GALNT11: variants seen among roughly 807,000 people sequenced by gnomAD.
GALNT11 encodes the protein UDP-GalNAc:polypeptide N-acetylgalactosaminyltransferase 11.
A neutral mutation model predicts 72.7 loss-of-function variants in GALNT11; 47 were observed. The ratio of observed to expected loss-of-function variants is 0.65; its 90% confidence interval spans 0.51 to 0.82. The LOEUF is 0.82. Among genes scored for constraint, GALNT11 ranks in the 40% least tolerant of loss-of-function variants. GALNT11 has a pLI of 0.00. For synonymous variants in GALNT11, 270 were observed against 286.6 expected (o/e 0.94, Z 0.58); for missense variants, 677 against 778.4 (o/e 0.87, Z 1.55).
At chr7:152,033,919 G>A (rs764684723) in intron 1 of GALNT11, among the ~76,000 whole-genome samples, 5 of 152,188 alleles carry the variant, frequency 3.3e-5, no homozygotes, top group Non-Finnish European at 7.3e-5. Flanking sequence ...AAAGGCCTGG[G>A]TTTGATCTAA....
At chr7:152,097,934 G>A (rs574851687) in intron 2 of GALNT11, among the ~76,000 whole-genome samples, 4 of 152,234 alleles carry the variant, frequency 2.6e-5, no homozygotes, top group Middle Eastern at 3.4e-3. Flanking sequence ...AATCATGCTG[G>A]TCATACAACA....
At chr7:152,098,668 G>C (rs1304328888) in intron 2 of GALNT11, among the ~76,000 whole-genome samples, 2 of 152,108 alleles carry the variant, frequency 1.3e-5, no homozygotes, top group Non-Finnish European at 2.9e-5. Context: ...GAATTAAGGA[G>C]TATTTATTGA....
At chr7:152,069,937 C>G (rs1257479671) in intron 1 of GALNT11, among the ~76,000 whole-genome samples, 1 of 151,914 alleles carries the variant, frequency 6.6e-6, no homozygotes, top group Non-Finnish European at 1.5e-5. Context: ...TTAGCATCTT[C>G]CATCTTTGTA....
chr7:152,077,351 G>C (rs928158712), intron 1 of GALNT11, among the ~76,000 whole-genome samples: 1 of 152,198 alleles, frequency 6.6e-6, no homozygotes, highest in African/African-American at 2.4e-5. Context: ...CTGACCCAGG[G>C]CCGCTTTTGC....
chr7:152,071,663 T>C (rs914230573), intron 1 of GALNT11, among the ~76,000 whole-genome samples: 1 of 152,142 alleles, frequency 6.6e-6, no homozygotes, highest in Non-Finnish European at 1.5e-5. Context: ...GGGGAAGTGA[T>C]AAGTGTCCAC....
At chr7:152,035,938 G>C (rs977779721) in intron 1 of GALNT11, among the ~76,000 whole-genome samples, 1 of 152,132 alleles carries the variant, frequency 6.6e-6, no homozygotes. Context: ...CCTCCCTCTT[G>C]ATCTTCAGGG....
intron 11 of GALNT11, 53 bp downstream of exon 11, chr7:152,121,021 G>A: frequency 1.9e-6 from 3 of 1,579,220 alleles, no homozygotes; most frequent in Non-Finnish European, 2.6e-6. Context: ...ACAAGGTTGA[G>A]TGAGGGAGTG....
At chr7:152,108,524 A>G (rs1257483112) in intron 6 of GALNT11, among the ~76,000 whole-genome samples, 1 of 152,206 alleles carries the variant, frequency 6.6e-6, no homozygotes, top group East Asian at 1.9e-4. Context: ...AGAAGAGCAG[A>G]CAGACCAGGC....
At position 152,113,228 on chromosome 7, in the gene GALNT11, G is replaced by T. The variant is rs757319579; in HGVS notation, c.1081-18G>T. 1 of 1,597,930 alleles carries T rather than the reference G, an allele frequency of 6.3e-7. No homozygotes were observed. The highest frequency in any genetic ancestry group is 1.8e-5 in the Admixed American group (1 of 57,072). On this transcript the variant is annotated intron_variant, in intron 7 of 11. Transcript: ENST00000430044. The stretch of plus-strand genomic sequence containing the variant: ...CAACATGAGGCAACTGTTAACACCT[G>T]TTTTTGCTTCTGGCCAGATCTGGAT...
intron 2 of GALNT11, 74 bp from the exon 3 acceptor site, chr7:152,100,724 A>G: frequency 1.3e-6 from 2 of 1,547,016 alleles, no homozygotes; most frequent in Non-Finnish European, 1.8e-6. Flanking sequence ...GCATTTTCTT[A>G]AGATCATAAT....
Position 152,051,389 on chromosome 7 carries a change from T to C in GALNT11, c.-39+25505T>C, listed in dbSNP as rs139557951. On this transcript the variant is annotated intron_variant, in intron 1 of 11. Coordinates refer to ENST00000430044, the MANE Select transcript of GALNT11 (RefSeq NM_022087.4). ...TTAAAATGAATGCTGTTGGGATAAA[T>C]AGAAAAATATCAAGGCCCCCACCCT... Among the ~76,000 whole-genome samples, 171 of 152,076 alleles carry C rather than the reference T, an allele frequency of 1.1e-3. 2 individuals are homozygous for C. The highest frequency in any genetic ancestry group is 4.0e-3 in the African/African-American group (165 of 41,486).
Position 152,108,089 on chromosome 7 carries a change from T to C in GALNT11, c.764T>C (p.Leu255Pro). 1 of 1,614,052 alleles carries C rather than the reference T, an allele frequency of 6.2e-7. No individual in the cohort carries two copies. The highest frequency in any genetic ancestry group is 1.7e-5 in the Admixed American group (1 of 60,034). ...DSHCEVNVMWLQPLLAAIRED... is the reference protein window; with the variant it reads ...DSHCEVNVMWPQPLLAAIRED... Reference sequence around the variant, plus strand: ...CACTGTGAAGTGAATGTGATGTGGCTGCAGCCCTTGCTGGCCGCCATCCGT... The same window carrying C: ...CACTGTGAAGTGAATGTGATGTGGCCGCAGCCCTTGCTGGCCGCCATCCGT... The change falls in exon 6 of 12, where the codon CTG (leucine) becomes CCG (proline). Residue 255 changes from leucine to proline, a missense_variant. Leu to Pro is a moderately conservative substitution (Grantham distance 98). Transcript: ENST00000430044.
chr7:152,051,199 GTTTTTTT>G (rs35668155), intron 1 of GALNT11, among the ~76,000 whole-genome samples: 2 of 46,826 alleles, frequency 4.3e-5, no homozygotes, highest in Admixed American at 2.2e-4. Flanking sequence ...ATATCTGGTT[GTTTTTTT>G]TTTTTTTTTT....
At chr7:152,044,867 C>G (rs2083041288) in intron 1 of GALNT11, among the ~76,000 whole-genome samples, 1 of 151,622 alleles carries the variant, frequency 6.6e-6, no homozygotes, top group Non-Finnish European at 1.5e-5. Context: ...CATTCTAGAT[C>G]TTAGAAGAAA....
chr7:152,029,252 T>G (rs2082191777), intron 1 of GALNT11, among the ~76,000 whole-genome samples: 1 of 152,224 alleles, frequency 6.6e-6, no homozygotes. Context: ...GTTACTATCC[T>G]TACTGGATAG....
At chr7:152,032,809 G>A (rs1486797867) in intron 1 of GALNT11, among the ~76,000 whole-genome samples, 1 of 152,160 alleles carries the variant, frequency 6.6e-6, no homozygotes, top group African/African-American at 2.4e-5. Context: ...CTCCAGCTTT[G>A]GCTAACATAT....
chr7:152,039,044 A>G (rs1043141140), intron 1 of GALNT11, among the ~76,000 whole-genome samples: 8 of 152,176 alleles, frequency 5.3e-5, no homozygotes, highest in Admixed American at 5.2e-4. Context: ...GTGCCACTAT[A>G]CTGCCATGGT....
At chr7:152,083,562 G>A (rs1385101199) in intron 1 of GALNT11, among the ~76,000 whole-genome samples, 1 of 151,968 alleles carries the variant, frequency 6.6e-6, no homozygotes, top group Non-Finnish European at 1.5e-5. Flanking sequence ...CTGTGCGTGG[G>A]CCCTGCTGCG....
chr7:152,101,651 G>GT (rs970872841), intron 3 of GALNT11, among the ~76,000 whole-genome samples: 2 of 143,938 alleles, frequency 1.4e-5, no homozygotes, highest in Non-Finnish European at 3.1e-5. Flanking sequence ...TTGGGGGGGG[G>GT]GGGATGGAGT....
Sources: allele counts gnomAD v4.1 joint callset (sites outside exome capture counted in the v4.1 genomes callset), GRCh38; gene constraint gnomAD v4.1.1; transcripts MANE v1.5; gene names NCBI Gene and HGNC (gene_info 2026-07-23, HGNC 2026-07-21).